Variants in TMPRSS15 observed in about 807,000 individuals in gnomAD.
TMPRSS15 encodes transmembrane serine protease 15, also known as enteropeptidase.
In TMPRSS15, 128 loss-of-function variants were observed where a neutral mutation model predicts 125.3. The observed-to-expected ratio is 1.02, with a 90% confidence interval of 0.89 to 1.18. The LOEUF is 1.18. Among genes scored for constraint, TMPRSS15 ranks in the 50% most tolerant of loss-of-function variants. The probability of loss-of-function intolerance (pLI) is 0.00; values close to 1 mark genes in which losing one functional copy is unlikely to be tolerated. For missense variants in TMPRSS15, 1,283 were observed against 1,212.7 expected (o/e 1.06, Z -0.86); for synonymous variants, 446 against 423.2 (o/e 1.05, Z -0.66).
At chr21:18,457,179 C>T (rs1276700998) in intron 1 of TMPRSS15, among the ~76,000 whole-genome samples, 1 of 152,004 alleles carries the variant, frequency 6.6e-6, no homozygotes, top group East Asian at 1.9e-4. Flanking sequence ...ATGTAACTTG[C>T]TCAGCATAGT....
intron 19 of TMPRSS15, 108 bp from the exon 20 acceptor site, chr21:18,294,760 G>A: frequency 2.1e-6 from 2 of 940,406 alleles, no homozygotes; most frequent in East Asian, 4.9e-5. Context: ...ACATCTTAAT[G>A]TCTCATATAT....
At position 18,344,044 on chromosome 21, in the gene TMPRSS15, G is replaced by C. The variant is rs2075479524; in HGVS notation, c.1188C>G (p.Thr396=). 6.2e-7 allele frequency: 1 copy of C among 1,613,590 alleles called. No individual in the cohort carries two copies. Among genetic ancestry groups the C allele is most frequent in the Non-Finnish European group, 8.5e-7 (1 of 1,179,922 alleles). ...FGNASGFYIS[T]PTGPGGRQER... ...CTTGTCTCCCTCCTGGTCCAGTTGG[G>C]GTAGAAATGTAAAATCCTGTAAAAA... The change falls in exon 11 of 25, where the codon ACC becomes ACG. Residue 396 remains threonine (T), a synonymous_variant. Transcript: ENST00000284885.
Position 18,376,738 on chromosome 21 carries a change from C to T in TMPRSS15, c.532+2545G>A, listed in dbSNP as rs183017703. 2.4e-3 allele frequency among the ~76,000 whole-genome samples: 369 copies of T among 152,208 alleles called. 2 individuals carry two copies. The highest frequency in any genetic ancestry group is 7.5e-3 in the African/African-American group (310 of 41,540). ...CGCTGTAGCACTCCAGAAATTAATCCGTGTAATGTCACCTCAGTTCCAGTC... is the reference window on the plus strand; with the variant it reads ...CGCTGTAGCACTCCAGAAATTAATCTGTGTAATGTCACCTCAGTTCCAGTC... On this transcript the variant is annotated intron_variant, in intron 5 of 24. Coordinates refer to ENST00000284885, the MANE Select transcript of TMPRSS15 (RefSeq NM_002772.3).
intron 11 of TMPRSS15, 73 bp from the exon 12 acceptor site, chr21:18,343,729 A>AT: frequency 6.6e-7 from 1 of 1,505,204 alleles, no homozygotes; most frequent in Non-Finnish European, 9.2e-7. Context: ...GCTTTTCTAC[A>AT]TTTTTTACTT....
intron 19 of TMPRSS15, among the ~76,000 whole-genome samples, chr21:18,295,022 A>G (rs564095710): frequency 1.3e-5 from 2 of 152,312 alleles, no homozygotes; most frequent in South Asian, 4.1e-4. Flanking sequence ...AATGATAGAT[A>G]TTGTTATGTT....
chr21:18,408,216 TCTGA>T (rs1247320561), upstream of TMPRSS15, among the ~76,000 whole-genome samples: 1 of 152,202 alleles, frequency 6.6e-6, no homozygotes. Flanking sequence ...GGTTTTATAC[TCTGA>T]CTGTATGAAG....
At chr21:18,453,774 T>C (rs934520973) in intron 1 of TMPRSS15, among the ~76,000 whole-genome samples, 27 of 152,178 alleles carry the variant, frequency 1.8e-4, no homozygotes, top group African/African-American at 5.5e-4. Flanking sequence ...AGTGAATGAA[T>C]AAAGAAAATC....
chr21:18,389,285 G>A (rs1394364609), intron 3 of TMPRSS15, among the ~76,000 whole-genome samples: 1 of 151,552 alleles, frequency 6.6e-6, no homozygotes, highest in Non-Finnish European at 1.5e-5. Context: ...AAGGGAGGAA[G>A]ATTAAACCTT....
chr21:18,482,421 G>T (rs1978998333), intron 1 of TMPRSS15, among the ~76,000 whole-genome samples: 1 of 151,442 alleles, frequency 6.6e-6, no homozygotes, highest in African/African-American at 2.4e-5. Flanking sequence ...TTTTAAAGTT[G>T]CTAGAAGAGA....
intron 23 of TMPRSS15, among the ~76,000 whole-genome samples, chr21:18,276,755 CTTTTTTTT>C (rs372920414): frequency 8.2e-6 from 1 of 121,360 alleles, no homozygotes; most frequent in Non-Finnish European, 1.8e-5. Flanking sequence ...AACTGGGATT[CTTTTTTTT>C]TTTTTTTTTT....
rs2824712 is a variant in TMPRSS15, at chr21:18,269,273, C to T, written c.*696G>A. On this transcript the variant is annotated 3_prime_UTR_variant, in exon 25 of 25. Transcript: ENST00000284885. ...TTTCTTTGGTATGTCTGATTATTTT[C>T]TTGAGACTTAAAAATACTTGCTTGA... The T allele has an allele frequency of 0.21, 31,637 of 152,096 alleles. 3,487 individuals are homozygous for T. The highest frequency in any genetic ancestry group is 0.27 in the African/African-American group (11,366 of 41,464). The allele number at this position is 152,096 out of a possible 1,614,324, so 9.4% of individuals were successfully genotyped here.
chr21:18,297,365 C>CATT lies in TMPRSS15; in HGVS notation c.2261+368_2261+369insAAT, dbSNP rs984253528. ...AGTGGTAGCTAATTTGGTCTGCCTC[C>CATT]AGTCTGATCAACACTGGACCTGTTT... On this transcript the variant is annotated intron_variant, in intron 19 of 24. Coordinates refer to ENST00000284885, the MANE Select transcript of TMPRSS15 (RefSeq NM_002772.3). Among the ~76,000 whole-genome samples, 3 of 152,222 alleles carry CATT rather than the reference C, an allele frequency of 2.0e-5. 1 individual carries two copies. The highest frequency in any genetic ancestry group is 6.5e-5 in the Admixed American group (1 of 15,288).
At chr21:18,473,819 A>C (rs964472160) in intron 1 of TMPRSS15, among the ~76,000 whole-genome samples, 3 of 152,114 alleles carry the variant, frequency 2.0e-5, no homozygotes, top group African/African-American at 7.2e-5. Context: ...TTTTTTAAAA[A>C]TACATTCTTA....
At chr21:18,326,843 C>T (rs1387208879) in intron 15 of TMPRSS15, among the ~76,000 whole-genome samples, 2 of 152,126 alleles carry the variant, frequency 1.3e-5, no homozygotes. Context: ...TGACTTAGTA[C>T]CACTGCTATT....
At chr21:18,372,352 C>T in intron 5 of TMPRSS15, 28 bp from the exon 6 acceptor site, 1 of 1,606,858 alleles carries the variant, frequency 6.2e-7, no homozygotes, top group Non-Finnish European at 8.5e-7. Context: ...AATTAATTTC[C>T]AATTGATGAG....
intron 4 of TMPRSS15, among the ~76,000 whole-genome samples, chr21:18,382,796 A>G (rs1162104083): frequency 6.6e-6 from 1 of 152,164 alleles, no homozygotes; most frequent in Non-Finnish European, 1.5e-5. Flanking sequence ...ACTGTTCTCA[A>G]CAATACTCAA....
rs76420461 is a variant in TMPRSS15, at chr21:18,471,803, A to G, written c.10+13996T>C. Among the ~76,000 whole-genome samples, 100 of 151,624 alleles carry G rather than the reference A, an allele frequency of 6.6e-4. No individual in the cohort carries two copies. The East Asian group carries it at 0.014, about 21-fold the overall frequency. On this transcript the variant is annotated intron_variant, in intron 1 of 7. Transcript: ENST00000422787. ...TGCTTCCTTTCTCTGCCAGTTAGAA[A>G]CTAAGAAATGGTTTTATAGCTTGGC...
At position 18,372,335 on chromosome 21, in the gene TMPRSS15, T is replaced by A; in HGVS notation, c.533-11A>T. 1 of 1,611,200 alleles carries A rather than the reference T, an allele frequency of 6.2e-7. No homozygotes were observed. ...CTATTGAGACATTTCCTTTAAAAAA[T>A]AACTGAAATTAATTTCCAATTGATG... On this transcript the variant is annotated splice_polypyrimidine_tract_variant and intron_variant, in intron 5 of 24. Coordinates refer to ENST00000284885, the MANE Select transcript of TMPRSS15 (RefSeq NM_002772.3).
intron 1 of TMPRSS15, among the ~76,000 whole-genome samples, chr21:18,442,312 T>C (rs1327045209): frequency 6.6e-6 from 1 of 152,168 alleles, no homozygotes. Flanking sequence ...TGGATGGGCT[T>C]GACGTATTTG....
Sources: allele counts gnomAD v4.1 joint callset (sites outside exome capture counted in the v4.1 genomes callset), GRCh38; gene constraint gnomAD v4.1.1; transcripts MANE v1.5; gene names NCBI Gene and HGNC (gene_info 2026-07-23, HGNC 2026-07-21).